DHRS4L2: variants seen among roughly 807,000 people sequenced by gnomAD.
DHRS4L2 encodes the protein dehydrogenase/reductase SDR family member 4-like 2.
DHRS4L2 carries 22 observed loss-of-function variants against 23.9 expected under a neutral mutation model. The observed-to-expected ratio is 0.92, with a 90% CI of 0.66 to 1.31. The LOEUF (loss-of-function observed/expected upper bound fraction) is 1.31, where lower values mean the gene tolerates loss of function less well. Ranked by LOEUF, DHRS4L2 falls within the 40% of genes most tolerant of loss-of-function variation. The pLI is 0.00. For missense variants in DHRS4L2, 385 were observed against 303.3 expected (o/e 1.27, Z -2.00); for synonymous variants, 141 against 123.7 (o/e 1.14, Z -0.93).
chr14:23,996,681 T>C (rs1233152606), intron 3 of DHRS4L2, among the ~76,000 whole-genome samples: 3 of 146,046 alleles, frequency 2.1e-5, no homozygotes, highest in African/African-American at 7.7e-5. Context: ...CGCTGTGTCA[T>C]TGAGGCTAGA....
At chr14:23,988,145 A>G (rs959187505), upstream of DHRS4L2, among the ~76,000 whole-genome samples, 6 of 150,940 alleles carry the variant, frequency 4.0e-5, no homozygotes, top group Non-Finnish European at 5.9e-5. Flanking sequence ...CATTCAACAA[A>G]TATTTATTGA....
chr14:24,006,130 A>G lies in DHRS4L2; in HGVS notation c.*267A>G. The G allele has an allele frequency of 7.6e-7, 1 of 1,314,678 alleles. No individual in the cohort carries two copies. The highest frequency in any genetic ancestry group is 1.0e-6 in the Non-Finnish European group (1 of 983,698). 81.4% of individuals were successfully genotyped at this position (1,314,678 alleles called of 1,614,324 possible). On this transcript the variant is annotated 3_prime_UTR_variant, in exon 8 of 8. Coordinates refer to ENST00000335125, the MANE Select transcript of DHRS4L2 (RefSeq NM_198083.4). ...TCATCAAATCAGTTCTGCCCTGTGA[A>G]AAGATCCAGCCTTCCCTGCCGTCAA...
At chr14:23,993,397 G>A (rs1324856830) in intron 2 of DHRS4L2, among the ~76,000 whole-genome samples, 5 of 151,718 alleles carry the variant, frequency 3.3e-5, no homozygotes, top group Admixed American at 3.3e-4. Flanking sequence ...TTAGCACCTA[G>A]TTAACAAGAA....
chr14:23,986,578 A>G (rs2034146259), upstream of DHRS4L2, among the ~76,000 whole-genome samples: 1 of 151,382 alleles, frequency 6.6e-6, no homozygotes, highest in African/African-American at 2.4e-5. Context: ...CTGCCCACAC[A>G]AGGAAGGGCC....
chr14:23,977,177 C>G (rs1385118535), intron 1 of DHRS4L2, among the ~76,000 whole-genome samples: 2 of 152,034 alleles, frequency 1.3e-5, no homozygotes, highest in Admixed American at 6.5e-5. Flanking sequence ...TAGACTATAT[C>G]AGTCAGCCTC....
intron 2 of DHRS4L2, among the ~76,000 whole-genome samples, chr14:23,994,440 C>T (rs1382282144): frequency 1.3e-5 from 2 of 151,752 alleles, no homozygotes; most frequent in Non-Finnish European, 2.9e-5. Context: ...GTGCCTATAA[C>T]ACTTTAGGAT....
intron 3 of DHRS4L2, among the ~76,000 whole-genome samples, chr14:23,998,510 G>T (rs1444442944): frequency 6.7e-6 from 1 of 150,258 alleles, no homozygotes; most frequent in Non-Finnish European, 1.5e-5. Context: ...ATCTTAGCTA[G>T]ATCTTCTGGA....
intron 1 of DHRS4L2, among the ~76,000 whole-genome samples, chr14:23,970,651 G>A (rs1473392311): frequency 1.3e-5 from 2 of 152,062 alleles, no homozygotes; most frequent in Non-Finnish European, 2.9e-5. Context: ...CTCCGATAAC[G>A]GACAGACTGC....
rs1428509121 is a variant in DHRS4L2, at chr14:24,006,374, A to G, written c.*511A>G. 1 of 228,572 alleles carries G rather than the reference A, an allele frequency of 4.4e-6. No homozygotes were observed. Among genetic ancestry groups the G allele is most frequent in the Non-Finnish European group, 8.6e-6 (1 of 116,790 alleles). The allele number at this position is 228,572 out of a possible 1,614,324, so 14.2% of individuals were successfully genotyped here. ...TTAACAACTTGCAAATGAGGTGCAAATAAAATGCAGATGATTGCGCGGCTT... is the reference window on the plus strand; with the variant it reads ...TTAACAACTTGCAAATGAGGTGCAAGTAAAATGCAGATGATTGCGCGGCTT... On this transcript the variant is annotated 3_prime_UTR_variant, in exon 8 of 8. Coordinates refer to ENST00000335125, the MANE Select transcript of DHRS4L2 (RefSeq NM_198083.4).
upstream of DHRS4L2, among the ~76,000 whole-genome samples, chr14:23,986,257 GCCC>G (rs758099070): frequency 6.0e-5 from 9 of 151,146 alleles, no homozygotes; most frequent in Non-Finnish European, 1.0e-4. Flanking sequence ...CTGCTCACAG[GCCC>G]CCTGTGAGAA....
At chr14:23,975,271 G>A (rs1286167470) in intron 1 of DHRS4L2, among the ~76,000 whole-genome samples, 2 of 151,716 alleles carry the variant, frequency 1.3e-5, no homozygotes, top group African/African-American at 4.8e-5. Flanking sequence ...AAAATCACAA[G>A]CATTCCTATA....
At chr14:23,989,293 C>T (rs903130537) in intron 1 of DHRS4L2, among the ~76,000 whole-genome samples, 2 of 151,736 alleles carry the variant, frequency 1.3e-5, no homozygotes, top group Non-Finnish European at 2.9e-5. Context: ...CACAACTGTG[C>T]CACCTCTGTG....
Position 23,994,785 on chromosome 14 carries a change from C to T in DHRS4L2, c.307-247C>T, listed in dbSNP as rs1482791186. Among the ~76,000 whole-genome samples the T allele has an allele frequency of 9.9e-5, 15 of 151,620 alleles. 1 individual carries two copies. The highest frequency in any genetic ancestry group is 9.8e-4 in the Admixed American group (15 of 15,240). The stretch of plus-strand genomic sequence containing the variant: ...AATAGAAGTTATTTTGACAATAGTT[C>T]TTAAGAATGAAGCTTTTGTTGTCAT... On this transcript the variant is annotated intron_variant, in intron 2 of 7. Transcript: ENST00000335125.
upstream of DHRS4L2, chr14:23,987,131 G>GT (rs919482266): frequency 2.7e-4 from 76 of 284,938 alleles, no homozygotes; most frequent in Non-Finnish European, 3.6e-4. Context: ...TGAAATCCTT[G>GT]TTTTTTTTCT....
chr14:23,973,065 G>C (rs1423534737), intron 1 of DHRS4L2, among the ~76,000 whole-genome samples: 4 of 151,740 alleles, frequency 2.6e-5, no homozygotes, highest in African/African-American at 9.7e-5. Flanking sequence ...TAGTTCCCAT[G>C]GGCAGGCAGG....
At chr14:23,995,225 TG>T in intron 3 of DHRS4L2, 92 bp downstream of exon 3, 2 of 1,460,632 alleles carry the variant, frequency 1.4e-6, no homozygotes, top group Non-Finnish European at 1.9e-6. Context: ...TCAAGGGCAG[TG>T]TAAATGTGAG....
chr14:24,005,622 G>C (rs1456614365), intron 7 of DHRS4L2, among the ~76,000 whole-genome samples: 6 of 151,926 alleles, frequency 3.9e-5, no homozygotes, highest in African/African-American at 1.5e-4. Context: ...TTGGATTTTG[G>C]TGTCCTGAGC....
At chr14:23,989,155 C>A (rs547980247) in intron 1 of DHRS4L2, 80 bp downstream of exon 1, 3 of 1,529,308 alleles carry the variant, frequency 2.0e-6, no homozygotes, top group South Asian at 2.5e-5. Context: ...CCTCCAGTGC[C>A]CCTGTCCTCA....
At chr14:23,971,129 A>C (rs1594447243) in intron 1 of DHRS4L2, among the ~76,000 whole-genome samples, 2 of 152,250 alleles carry the variant, frequency 1.3e-5, no homozygotes, top group East Asian at 3.9e-4. Context: ...GCAAGGGAAC[A>C]AAACTGGATG....
Sources: gnomAD v4.1 joint callset for allele counts (sites outside exome capture counted in the v4.1 genomes callset) on GRCh38, gnomAD v4.1.1 for gene constraint, MANE v1.5 for transcripts, NCBI Gene and HGNC (gene_info 2026-07-23, HGNC 2026-07-21) for gene names.